The following RGS22 variants were observed in gnomAD, a reference collection of about 807,000 sequenced individuals.
RGS22 encodes regulator of G-protein signaling 22.
A neutral mutation model predicts 172.9 loss-of-function variants in RGS22; 148 were observed. The observed-to-expected ratio is 0.86, with a 90% CI of 0.75 to 0.98. The LOEUF (loss-of-function observed/expected upper bound fraction) is 0.98. Ranked by LOEUF, RGS22 falls within the 50% of genes least tolerant of loss-of-function variation. The pLI is 0.00. For synonymous variants in RGS22, 458 were observed against 480.2 expected (o/e 0.95, Z 0.60); for missense variants, 1,347 against 1,440.8 (o/e 0.93, Z 1.05).
chr8:99,975,599 A>G (rs1392681455), intron 23 of RGS22, among the ~76,000 whole-genome samples: 1 of 150,082 alleles, frequency 6.7e-6, no homozygotes, highest in Non-Finnish European at 1.5e-5. Flanking sequence ...AAATAATTAG[A>G]TGACCAAAAA....
chr8:100,085,587 CA>C (rs986605142), intron 3 of RGS22, among the ~76,000 whole-genome samples: 2 of 152,164 alleles, frequency 1.3e-5, no homozygotes, highest in Non-Finnish European at 2.9e-5. Context: ...TGAAATGAGT[CA>C]CTGATTCTTC....
intron 20 of RGS22, among the ~76,000 whole-genome samples, chr8:99,993,480 T>C (rs1323889333): frequency 6.6e-6 from 1 of 152,002 alleles, no homozygotes; most frequent in Non-Finnish European, 1.5e-5. Flanking sequence ...GAGAATACTA[T>C]AAACAACTCT....
intron 6 of RGS22, 70 bp downstream of exon 6, chr8:100,071,299 T>C (rs1401228502): frequency 2.2e-6 from 3 of 1,338,208 alleles, no homozygotes; most frequent in Non-Finnish European, 3.1e-6. Flanking sequence ...AAAATATATG[T>C]ATAAAATAAA....
At chr8:100,057,147 C>T (rs1196168650) in intron 9 of RGS22, among the ~76,000 whole-genome samples, 1 of 152,204 alleles carries the variant, frequency 6.6e-6, no homozygotes, top group African/African-American at 2.4e-5. Flanking sequence ...GGATTTTGGA[C>T]TTGCATGGGG....
intron 4 of RGS22, among the ~76,000 whole-genome samples, chr8:100,074,807 G>A (rs1177726057): frequency 6.6e-6 from 1 of 150,460 alleles, no homozygotes; most frequent in Admixed American, 6.6e-5. Context: ...TCGCTCTATC[G>A]CCCAGGCTGG....
At chr8:100,084,375 TG>T (rs1479965970) in intron 3 of RGS22, among the ~76,000 whole-genome samples, 2 of 152,178 alleles carry the variant, frequency 1.3e-5, no homozygotes, top group Non-Finnish European at 2.9e-5. Context: ...AGAAAGTGTA[TG>T]TAAGCATGAA....
intron 14 of RGS22, among the ~76,000 whole-genome samples, chr8:100,015,519 C>G (rs1418138034): frequency 1.3e-5 from 2 of 152,132 alleles, no homozygotes; most frequent in African/African-American, 4.8e-5. Flanking sequence ...TCTTGAGCTC[C>G]TGATCTCAAG....
intron 22 of RGS22, among the ~76,000 whole-genome samples, chr8:99,979,033 G>A (rs1213317721): frequency 6.6e-6 from 1 of 152,144 alleles, no homozygotes; most frequent in Non-Finnish European, 1.5e-5. Flanking sequence ...ATACAGTTTT[G>A]TTATTGAATT....
chr8:100,087,225 G>A (rs950219569), intron 3 of RGS22, among the ~76,000 whole-genome samples: 38 of 152,150 alleles, frequency 2.5e-4, no homozygotes, highest in African/African-American at 8.7e-4. Context: ...GGCTGATTTA[G>A]AGAATGCTCA....
At chr8:100,001,295 G>A (rs1025796476) in intron 18 of RGS22, among the ~76,000 whole-genome samples, 1 of 146,882 alleles carries the variant, frequency 6.8e-6, no homozygotes, top group South Asian at 2.1e-4. Context: ...GGAGTGCAGG[G>A]GCACAATCTC....
intron 11 of RGS22, among the ~76,000 whole-genome samples, chr8:100,045,149 C>G (rs1057390870): frequency 1.3e-5 from 2 of 151,880 alleles, no homozygotes; most frequent in Non-Finnish European, 2.9e-5. Context: ...TGGCACACAC[C>G]TGTAGTCCTA....
chr8:99,972,591 G>A (rs947284936), intron 23 of RGS22, among the ~76,000 whole-genome samples: 1 of 152,120 alleles, frequency 6.6e-6, no homozygotes, highest in Non-Finnish European at 1.5e-5. Flanking sequence ...AGTGGGCAAA[G>A]GATATGAACA....
At chr8:100,093,094 G>C (rs1179845123) in intron 3 of RGS22, 1 of 159,940 alleles carries the variant, frequency 6.3e-6, no homozygotes. Context: ...AGTTTGAGAA[G>C]TCGGGGCTGC....
At chr8:100,014,436 T>C (rs990939985) in intron 14 of RGS22, among the ~76,000 whole-genome samples, 2 of 152,212 alleles carry the variant, frequency 1.3e-5, no homozygotes, top group African/African-American at 4.8e-5. Context: ...CCTCAATCTA[T>C]GGAAGTCTGG....
intron 3 of RGS22, among the ~76,000 whole-genome samples, chr8:100,089,787 G>A (rs762570239): frequency 2.6e-5 from 4 of 151,880 alleles, no homozygotes; most frequent in African/African-American, 4.8e-5. Flanking sequence ...TCACACTATC[G>A]GGATAAAAAC....
intron 6 of RGS22, 62 bp from the exon 7 acceptor site, chr8:100,066,358 C>A: frequency 7.5e-7 from 1 of 1,331,780 alleles, no homozygotes; most frequent in Non-Finnish European, 1.1e-6. Flanking sequence ...GATCACAAAC[C>A]TGGAAAAATC....
At chr8:100,062,794 T>A in intron 8 of RGS22, 42 bp from the exon 9 acceptor site, 2 of 1,477,364 alleles carry the variant, frequency 1.4e-6, no homozygotes, top group South Asian at 1.2e-5. Context: ...CACACATTGG[T>A]AGAATATTCA....
At chr8:100,030,396 G>A (rs1818662480) in intron 14 of RGS22, among the ~76,000 whole-genome samples, 1 of 152,108 alleles carries the variant, frequency 6.6e-6, no homozygotes, top group Non-Finnish European at 1.5e-5. Context: ...TATTAAAAAA[G>A]TTAACTGTAA....
chr8:100,022,735 A>C (rs551428059), intron 14 of RGS22, among the ~76,000 whole-genome samples: 1 of 151,890 alleles, frequency 6.6e-6, no homozygotes, highest in Non-Finnish European at 1.5e-5. Context: ...ATTCAATTAA[A>C]TTAATTAATT....
Sources: gnomAD v4.1 joint callset for allele counts (sites outside exome capture counted in the v4.1 genomes callset) on GRCh38, gnomAD v4.1.1 for gene constraint, MANE v1.5 for transcripts, NCBI Gene and HGNC (gene_info 2026-07-23, HGNC 2026-07-21) for gene names.